Variants in DAB1 observed in about 807,000 individuals in gnomAD.
The protein encoded by DAB1 is disabled homolog 1.
Under a neutral mutation model 64.6 loss-of-function variants are expected in DAB1, and 15 were observed. The observed-to-expected ratio is 0.23, with a 90% CI of 0.16 to 0.36. DAB1 has a LOEUF of 0.36. Ranked by LOEUF, DAB1 falls within the 10% of genes least tolerant of loss-of-function variation. The pLI is 1.00. For synonymous variants in DAB1, 235 were observed against 251.9 expected, an observed-to-expected ratio of 0.93 and a Z score of 0.64; for missense variants, 596 against 706.7, an observed-to-expected ratio of 0.84 and a Z score of 1.78.
At chr1:58,237,756 G>A (rs562867) in intron 4 of DAB1, among the ~76,000 whole-genome samples, 95,059 of 151,922 alleles carry the variant, frequency 0.63, 30,481 homozygotes, top group African/African-American at 0.68. Context: ...GGTGGCTTCA[G>A]CATATTTTGG....
intron 2 of DAB1, among the ~76,000 whole-genome samples, chr1:57,207,080 T>A (rs995447991): frequency 6.8e-5 from 10 of 148,118 alleles, no homozygotes; most frequent in Non-Finnish European, 1.3e-4. Context: ...GTGATTCTCC[T>A]GCCTCAGCCT....
intron 3 of DAB1, among the ~76,000 whole-genome samples, chr1:58,402,024 T>G (rs1221961713): frequency 6.6e-6 from 1 of 152,246 alleles, no homozygotes; most frequent in Non-Finnish European, 1.5e-5. Flanking sequence ...TGAGCAATTC[T>G]TGATGGAGTC....
intron 3 of DAB1, among the ~76,000 whole-genome samples, chr1:58,473,520 C>CTG: frequency 6.7e-6 from 1 of 149,032 alleles, no homozygotes; most frequent in African/African-American, 2.5e-5. Flanking sequence ...CCAGCCTGGG[C>CTG]GACAGAGCAA....
At chr1:58,126,452 T>C (rs910880198) in intron 5 of DAB1, among the ~76,000 whole-genome samples, 9 of 113,008 alleles carry the variant, frequency 8.0e-5, no homozygotes, top group East Asian at 5.1e-4. Context: ...TTTTTCTTTT[T>C]TTCTTTTTTT....
intron 5 of DAB1, among the ~76,000 whole-genome samples, chr1:58,053,151 A>G (rs1239892615): frequency 6.6e-6 from 1 of 152,200 alleles, no homozygotes; most frequent in Non-Finnish European, 1.5e-5. Context: ...CCATTACCCA[A>G]TTCTAAAGCC....
intron 4 of DAB1, among the ~76,000 whole-genome samples, chr1:58,298,502 TG>T (rs1662043365): frequency 6.6e-6 from 1 of 152,256 alleles, no homozygotes; most frequent in South Asian, 2.1e-4. Flanking sequence ...CAAGGCTTTC[TG>T]CAGAGTCACA....
chr1:58,445,157 AG>A (rs1343232227), intron 3 of DAB1, among the ~76,000 whole-genome samples: 1 of 152,148 alleles, frequency 6.6e-6, no homozygotes, highest in Non-Finnish European at 1.5e-5. Context: ...AACCTCTCTA[AG>A]CCCCATTTTT....
At chr1:58,329,427 A>G (rs1662920512) in intron 4 of DAB1, among the ~76,000 whole-genome samples, 1 of 152,218 alleles carries the variant, frequency 6.6e-6, no homozygotes, top group African/African-American at 2.4e-5. Context: ...TCATTTTTAG[A>G]GCAGATAGTT....
chr1:58,472,860 T>C (rs1302202139), intron 3 of DAB1, among the ~76,000 whole-genome samples: 1 of 152,216 alleles, frequency 6.6e-6, no homozygotes. Flanking sequence ...TTTTCCTTTA[T>C]AAATCACGTG....
chr1:57,982,563 A>G (rs1646092910), intron 5 of DAB1, among the ~76,000 whole-genome samples: 1 of 152,170 alleles, frequency 6.6e-6, no homozygotes, highest in Admixed American at 6.6e-5. Context: ...TGCCTGACCA[A>G]CAAGCAGTGG....
At chr1:57,450,166 T>C (rs1052684051) in intron 7 of DAB1, among the ~76,000 whole-genome samples, 2 of 152,210 alleles carry the variant, frequency 1.3e-5, no homozygotes, top group Non-Finnish European at 2.9e-5. Flanking sequence ...AAGATAGTGA[T>C]TGAAATGTAA....
chr1:57,604,617 A>G (rs954970849), intron 7 of DAB1, among the ~76,000 whole-genome samples: 2 of 152,136 alleles, frequency 1.3e-5, no homozygotes, highest in Non-Finnish European at 2.9e-5. Context: ...TACAGTCACT[A>G]AGTTTTGGGG....
intron 1 of DAB1, among the ~76,000 whole-genome samples, chr1:57,837,399 A>G (rs966005024): frequency 6.6e-6 from 1 of 152,104 alleles, no homozygotes; most frequent in Admixed American, 6.5e-5. Context: ...CCCAGGTAAC[A>G]TCCAGGTTGT....
intron 2 of DAB1, among the ~76,000 whole-genome samples, chr1:57,278,299 T>TA (rs1326631894): frequency 6.6e-6 from 1 of 152,244 alleles, no homozygotes; most frequent in Non-Finnish European, 1.5e-5. Flanking sequence ...GTGAAGATTT[T>TA]AAAAGTTATT....
intron 11 of DAB1, among the ~76,000 whole-genome samples, chr1:57,020,203 A>G (rs975941361): frequency 1.3e-5 from 2 of 152,134 alleles, no homozygotes; most frequent in Non-Finnish European, 2.9e-5. Context: ...TATCTCTTTA[A>G]TTTGTATAGG....
intron 1 of DAB1, among the ~76,000 whole-genome samples, chr1:57,379,178 C>G (rs1373578891): frequency 6.6e-6 from 1 of 152,106 alleles, no homozygotes; most frequent in Non-Finnish European, 1.5e-5. Context: ...CCCCCTCCCC[C>G]ACCATCTTTT....
intron 5 of DAB1, among the ~76,000 whole-genome samples, chr1:58,041,438 G>A (rs1211987658): frequency 6.6e-6 from 1 of 152,116 alleles, no homozygotes; most frequent in Non-Finnish European, 1.5e-5. Flanking sequence ...TATACAGCGT[G>A]TATTGTGTTT....
At chr1:57,831,202 C>T (rs939699466) in intron 1 of DAB1, among the ~76,000 whole-genome samples, 17 of 152,230 alleles carry the variant, frequency 1.1e-4, no homozygotes, top group African/African-American at 3.9e-4. Flanking sequence ...TGTGAGCCAC[C>T]GCGCCCAGCC....
chr1:58,242,345 G>A (rs1243797631), intron 4 of DAB1, among the ~76,000 whole-genome samples: 1 of 152,020 alleles, frequency 6.6e-6, no homozygotes, highest in African/African-American at 2.4e-5. Flanking sequence ...GAAGGCATCT[G>A]GATTGTTAGA....
Sources: allele counts gnomAD v4.1 joint callset (sites outside exome capture counted in the v4.1 genomes callset), GRCh38; gene constraint gnomAD v4.1.1; transcripts MANE v1.5; gene names NCBI Gene and HGNC (gene_info 2026-07-23, HGNC 2026-07-21).